The following PCDH12 variants were observed in gnomAD, a reference collection of about 807,000 sequenced individuals.
PCDH12 encodes the protein protocadherin 12.
Under a neutral mutation model 70.9 loss-of-function variants are expected in PCDH12, and 45 were observed. That is an observed-to-expected ratio of 0.63 (90% CI 0.50 to 0.81). The LOEUF is 0.81. Ranked by LOEUF, PCDH12 falls within the 40% of genes least tolerant of loss-of-function variation. PCDH12 has a pLI of 0.00. For synonymous variants in PCDH12, 567 were observed against 626.0 expected (o/e 0.91, Z 1.41); for missense variants, 1,370 against 1,491.7 (o/e 0.92, Z 1.34).
chr5:141,955,493 C>A lies in PCDH12; in HGVS notation c.2359G>T (p.Glu787Ter). ...TGGGACTGCCCGACTTCACAAGGCTCACCTGCCTGACCCCTGAGCACAGGC... is the reference window on the plus strand; with the variant it reads ...TGGGACTGCCCGACTTCACAAGGCTAACCTGCCTGACCCCTGAGCACAGGC... ...LVPVLRGQAG[E>*]PCEVGQSHKD... Residue 787 changes from glutamate (E) to a stop codon, truncating the protein, a stop_gained, in exon 1 of 4, where the codon GAG becomes TAG. Transcript: ENST00000231484. LOFTEE classifies it high-confidence loss of function. The surrounding 1 kb of genome is among the most constrained non-coding windows in gnomAD (Gnocchi z 5.5). The A allele has an allele frequency of 6.2e-7, 1 of 1,614,162 alleles. No individual in the cohort carries two copies. Among genetic ancestry groups the A allele is most frequent in the Non-Finnish European group, 8.5e-7 (1 of 1,180,018 alleles).
At position 141,955,528 on chromosome 5, in the gene PCDH12, A is replaced by G. The variant is rs1303711486; in HGVS notation, c.2324T>C (p.Ile775Thr). The G allele has an allele frequency of 1.2e-6, 2 of 1,614,084 alleles. No individual in the cohort carries two copies. The highest frequency in any genetic ancestry group is 1.7e-6 in the Non-Finnish European group (2 of 1,180,002). Residue 775 changes from isoleucine (I) to threonine (T), a missense_variant, in exon 1 of 4, where the codon ATC (isoleucine) becomes ACC (threonine). Coordinates refer to ENST00000231484, the MANE Select transcript of PCDH12 (RefSeq NM_016580.4). This position sits in a 1 kb window ranked among gnomAD's most constrained non-coding sequence, Gnocchi z 5.5. ...RPQKHIQKAD[I>T]HLVPVLRGQA... ...ACCCCTGAGCACAGGCACGAGGTGG[A>G]TGTCTGCCTTCTGAATGTGTTTCTG... is the stretch of plus-strand genomic sequence containing the variant.
Position 141,955,621 on chromosome 5 carries a change from T to C in PCDH12, c.2231A>G (p.Lys744Arg), listed in dbSNP as rs1561536046. Residue 744 changes from lysine (K) to arginine (R), a missense_variant, in exon 1 of 4, where the codon AAG becomes AGG. Coordinates refer to ENST00000231484, the MANE Select transcript of PCDH12 (RefSeq NM_016580.4). This position sits in a 1 kb window ranked among gnomAD's most constrained non-coding sequence, Gnocchi z 5.5. ...ALFMSICRTE[K>R]KDNRAYNCRE... Reference sequence around the variant, plus strand: ...ACAGTTGTAGGCCCTGTTGTCCTTCTTTTCTGTCCGGCAGATGGACATGAA... The same window carrying C: ...ACAGTTGTAGGCCCTGTTGTCCTTCCTTTCTGTCCGGCAGATGGACATGAA... 6.2e-7 allele frequency: 1 copy of C among 1,614,168 alleles called. No homozygotes were observed. Among genetic ancestry groups the C allele is most frequent in the Non-Finnish European group, 8.5e-7 (1 of 1,180,018 alleles).
Position 141,955,112 on chromosome 5 carries a change from G to A in PCDH12, c.2740C>T (p.Arg914Ter), listed in dbSNP as rs373022057. Residue 914 changes from arginine to a stop codon, truncating the protein, a stop_gained, in exon 1 of 4, where the codon CGA (arginine) becomes TGA (stop). Transcript: ENST00000231484. LOFTEE classifies it high-confidence loss of function. This position sits in a 1 kb window ranked among gnomAD's most constrained non-coding sequence, Gnocchi z 5.5. ...PASSATLRRQRHLNGKVSPEK... is the reference protein window; with the variant it reads ...PASSATLRRQ ...GGGGACACTTTGCCATTGAGATGTC[G>A]CTGCCGTCTCAGGGTTGCAGAGGAG... The A allele has an allele frequency of 2.5e-6, 4 of 1,614,124 alleles. No individual in the cohort carries two copies. Among genetic ancestry groups the A allele is most frequent in the East Asian group, 2.2e-5 (1 of 44,896 alleles).
In PCDH12 at chr5:141,956,800, C is replaced by G; in HGVS notation, c.1052G>C (p.Ser351Thr). The G allele has an allele frequency of 6.2e-7, 1 of 1,614,240 alleles. No individual in the cohort carries two copies. The highest frequency in any genetic ancestry group is 8.5e-7 in the Non-Finnish European group (1 of 1,180,054). The change falls in exon 1 of 4, where the codon AGC (serine) becomes ACC (threonine). Residue 351 changes from serine to threonine, a missense_variant. By Grantham distance (58) the Ser-to-Thr change is moderately conservative. Transcript: ENST00000231484. ...CTGGGAGGCCCATGTGACGTGGATG[C>G]TTGGGATGTTGTCATTGACATCCAG... ...KVLDVNDNIP[S>T]IHVTWASQPS... is the part of the protein sequence containing the mutation.
intron 3 of PCDH12, among the ~76,000 whole-genome samples, chr5:141,946,651 C>T (rs373227742): frequency 1.2e-4 from 18 of 152,310 alleles, no homozygotes; most frequent in African/African-American, 4.1e-4. Context: ...TAGAGTCAGG[C>T]TGGGGAGGGG....
At position 141,944,003 on chromosome 5, in the gene PCDH12, A is replaced by G. The variant is rs1401571604; in HGVS notation, c.*1378T>C. On this transcript the variant is annotated 3_prime_UTR_variant, in exon 4 of 4. Coordinates refer to ENST00000231484, the MANE Select transcript of PCDH12 (RefSeq NM_016580.4). ...CACTGAGCTCCAAGAAAGGACAAAA[A>G]GAGGAGCAGATAGAGGAACTTTTGC... is the stretch of plus-strand genomic sequence containing the variant. 1 of 152,258 alleles carries G rather than the reference A, an allele frequency of 6.6e-6. No homozygotes were observed. Among genetic ancestry groups the G allele is most frequent in the Non-Finnish European group, 1.5e-5 (1 of 68,058 alleles). The allele number at this position is 152,258 out of a possible 1,614,324, so 9.4% of individuals were successfully genotyped here.
intron 2 of PCDH12, 125 bp from the exon 3 acceptor site, chr5:141,949,708 G>T: frequency 9.0e-7 from 1 of 1,105,522 alleles, no homozygotes. Flanking sequence ...GGCCTCTAGA[G>T]TCAGACCAAC....
rs753562763 is a variant in PCDH12 at position 141,956,217 on chromosome 5, A to G, written c.1635T>C (p.Leu545=). 5.6e-6 allele frequency: 9 copies of G among 1,614,100 alleles called. No individual in the cohort carries two copies. In the African/African-American group the frequency reaches 1.1e-4, roughly 19 times the overall value. Residue 545 remains leucine (L), a synonymous_variant, in exon 1 of 4, where the codon CTT becomes CTC. Coordinates refer to ENST00000231484, the MANE Select transcript of PCDH12 (RefSeq NM_016580.4). ...VIAEDSGQPM[L]ASSVSVWVSL... Reference sequence around the variant, plus strand: ...TGACCCACACAGAGACACTGGATGCAAGCATGGGTTGCCCGCTGTCCTCTG... The same window carrying G: ...TGACCCACACAGAGACACTGGATGCGAGCATGGGTTGCCCGCTGTCCTCTG...
intron 1 of PCDH12, among the ~76,000 whole-genome samples, chr5:141,953,535 C>G (rs1753123912): frequency 6.6e-6 from 1 of 152,218 alleles, no homozygotes; most frequent in African/African-American, 2.4e-5. Flanking sequence ...CTATGTGCTG[C>G]TGGAAAGATA....
chr5:141,951,362 G>T lies in PCDH12; in HGVS notation c.2978+131C>A, dbSNP rs1753077344. 4.4e-6 allele frequency: 3 copies of T among 675,366 alleles called. No homozygotes were observed. The Admixed American group carries it at 7.1e-5, about 16-fold the overall frequency. 41.8% of individuals were successfully genotyped at this position (675,366 alleles called of 1,614,324 possible). On this transcript the variant is annotated intron_variant, in intron 2 of 3. Coordinates refer to ENST00000231484, the MANE Select transcript of PCDH12 (RefSeq NM_016580.4). ...AAACTCCCAGGGTGGGAGGATGGAT[G>T]CTGTCTGCTGCACCCTCCCAGGGGA...
rs1292276308 is a variant in PCDH12, at chr5:141,944,074, T to C, written c.*1307A>G. 6.6e-6 allele frequency: 1 copy of C among 152,002 alleles called. No homozygotes were observed. Among genetic ancestry groups the C allele is most frequent in the Non-Finnish European group, 1.5e-5 (1 of 67,894 alleles). The allele number at this position is 152,002 out of a possible 1,614,324, so 9.4% of individuals were successfully genotyped here. ...CCACACTATTTAGAAGCTAGCTGAT[T>C]GGCTGCTCGGAAATTTCCAAGAAAA... On this transcript the variant is annotated 3_prime_UTR_variant, in exon 4 of 4. Transcript: ENST00000231484.
chr5:141,946,915 A>C (rs1454475811), intron 3 of PCDH12, among the ~76,000 whole-genome samples: 1 of 152,192 alleles, frequency 6.6e-6, no homozygotes, highest in Non-Finnish European at 1.5e-5. Context: ...AAAAAAAAAA[A>C]AAAAGCACAA....
rs1304688778 is a variant in PCDH12, at chr5:141,943,625, T to C, written c.*1756A>G. On this transcript the variant is annotated 3_prime_UTR_variant, in exon 4 of 4. Transcript: ENST00000231484. ...AAGCATTTATTGACACATTTATTCA[T>C]TCATACATCCATTCAACAGCTATTC... is the stretch of plus-strand genomic sequence containing the variant. 6.6e-6 allele frequency: 1 copy of C among 152,208 alleles called. No homozygotes were observed. The highest frequency in any genetic ancestry group is 2.4e-5 in the African/African-American group (1 of 41,462). The allele number at this position is 152,208 out of a possible 1,614,324, so 9.4% of individuals were successfully genotyped here.
At position 141,958,163 on chromosome 5, in the gene PCDH12, T is replaced by A. The variant is rs1407751396; in HGVS notation, c.-312A>T. On this transcript the variant is annotated 5_prime_UTR_variant, in exon 1 of 4. Transcript: ENST00000231484. ...TGGTCTAAGAGGGACCTGACCCAGT[T>A]GAGCAGGATGTGGGACTCTGACTGC... 1 of 329,870 alleles carries A rather than the reference T, an allele frequency of 3.0e-6. No individual in the cohort carries two copies. The highest frequency in any genetic ancestry group is 2.1e-5 in the African/African-American group (1 of 47,940). 20.4% of individuals were successfully genotyped at this position (329,870 alleles called of 1,614,324 possible).
At chr5:141,952,946 A>T (rs1438804436) in intron 1 of PCDH12, 1 of 152,270 alleles carries the variant, frequency 6.6e-6, no homozygotes, top group African/African-American at 2.4e-5. Flanking sequence ...GAGTTGGAAG[A>T]GGAGATGGCC....
intron 2 of PCDH12, 51 bp downstream of exon 2, chr5:141,951,442 G>A (rs1470681499): frequency 7.4e-7 from 1 of 1,358,478 alleles, no homozygotes; most frequent in Non-Finnish European, 1.1e-6. Flanking sequence ...CAGTGATGAG[G>A]GGCGGCCAGT....
rs1554079434 is a variant in PCDH12, at chr5:141,945,401, T to TGCTGCTGCC, written c.3526_3534dup (p.Gly1176_Ser1178dup). 6.2e-7 allele frequency: 1 copy of TGCTGCTGCC among 1,612,462 alleles called. No homozygotes were observed. On this transcript the variant is annotated inframe_insertion, in exon 4 of 4. Coordinates refer to ENST00000231484, the MANE Select transcript of PCDH12 (RefSeq NM_016580.4). ...TATGTTCACAGGCACCTGCTGCTGC[T>TGCTGCTGCC]GCTGCTGCCTCTGCTCTTGCCCTCA...
At position 141,955,490 on chromosome 5, in the gene PCDH12, G is replaced by A; in HGVS notation, c.2362C>T (p.Pro788Ser). The change falls in exon 1 of 4, where the codon CCT becomes TCT. Residue 788 changes from proline to serine, a missense_variant. Coordinates refer to ENST00000231484, the MANE Select transcript of PCDH12 (RefSeq NM_016580.4). This position sits in a 1 kb window ranked among gnomAD's most constrained non-coding sequence, Gnocchi z 5.5. ...VPVLRGQAGEPCEVGQSHKDV... is the reference protein window; with the variant it reads ...VPVLRGQAGESCEVGQSHKDV... ...TTGTGGGACTGCCCGACTTCACAAG[G>A]CTCACCTGCCTGACCCCTGAGCACA... 2 of 1,614,078 alleles carry A rather than the reference G, an allele frequency of 1.2e-6. No homozygotes were observed. Among genetic ancestry groups the A allele is most frequent in the Non-Finnish European group, 1.7e-6 (2 of 1,179,992 alleles).
rs760844126 is a variant in PCDH12 at position 141,945,407 on chromosome 5, T to TGCTGCTGCTGCTGCC, written c.3528_3529insGGCAGCAGCAGCAGC (p.Gly1176_Ser1177insGlySerSerSerSer). ...CACAGGCACCTGCTGCTGCTGCTGC[T>TGCTGCTGCTGCTGCC]GCCTCTGCTCTTGCCCTCAGTCCCC... On this transcript the variant is annotated inframe_insertion, in exon 4 of 4. Transcript: ENST00000231484. The TGCTGCTGCTGCTGCC allele has an allele frequency of 1.2e-6, 2 of 1,612,946 alleles. No homozygotes were observed. The highest frequency in any genetic ancestry group is 2.7e-5 in the African/African-American group (2 of 74,914).
Sources: gnomAD v4.1 joint callset for allele counts (sites outside exome capture counted in the v4.1 genomes callset) on GRCh38, gnomAD v4.1.1 for gene constraint, Gnocchi (gnomAD v3.1) non-coding constraint, MANE v1.5 for transcripts, NCBI Gene and HGNC (gene_info 2026-07-23, HGNC 2026-07-21) for gene names.